Variants in SLC33A1 observed in about 807,000 individuals in gnomAD.
The protein encoded by SLC33A1 is solute carrier family 33 member 1.
In SLC33A1, 20 loss-of-function variants were observed where a neutral mutation model predicts 50.0. The observed-to-expected ratio is 0.40, with a 90% CI of 0.28 to 0.58. The LOEUF (loss-of-function observed/expected upper bound fraction) is 0.58, where lower values mean the gene tolerates loss of function less well. Among genes scored for constraint, SLC33A1 ranks in the 20% least tolerant of loss-of-function variants. SLC33A1 has a pLI of 0.44. For synonymous variants in SLC33A1, 265 were observed against 251.8 expected (o/e 1.05, Z -0.50); for missense variants, 476 against 657.0 (o/e 0.72, Z 3.01).
In SLC33A1 at chr3:155,827,896, A is replaced by G. The variant is rs116295204; in HGVS notation, c.*314T>C. ...AACAATACCTGACTACATGGTTACC[A>G]CCCGTGACTACTGCATTGCAGCTTA... On this transcript the variant is annotated 3_prime_UTR_variant, in exon 6 of 6. Transcript: ENST00000643144. The G allele has an allele frequency of 2.0e-3, 570 of 282,766 alleles. 3 individuals are homozygous for G. Among genetic ancestry groups the G allele is most frequent in the African/African-American group, 0.012 (534 of 44,934 alleles). The allele number at this position is 282,766 out of a possible 1,614,324, so 17.5% of individuals were successfully genotyped here. A position where few individuals can be genotyped will look rare whatever the true frequency, so the allele number is the denominator to read the frequency against.
chr3:155,841,636 A>G (rs1412271639), intron 2 of SLC33A1, among the ~76,000 whole-genome samples: 1 of 152,184 alleles, frequency 6.6e-6, no homozygotes, highest in Admixed American at 6.5e-5. Context: ...AAAAGTCACC[A>G]GTAATCCCCG....
At chr3:155,836,033 C>T (rs1384208324) in intron 2 of SLC33A1, among the ~76,000 whole-genome samples, 4 of 150,830 alleles carry the variant, frequency 2.7e-5, no homozygotes, top group Non-Finnish European at 5.9e-5. Flanking sequence ...GCCTGTAATT[C>T]CAGCACTTTG....
chr3:155,830,534 C>G (rs1752386798), intron 4 of SLC33A1, among the ~76,000 whole-genome samples: 1 of 151,946 alleles, frequency 6.6e-6, no homozygotes, highest in African/African-American at 2.4e-5. Flanking sequence ...GAAGTGCACA[C>G]ATTGTGTTAC....
chr3:155,826,462 A>G lies in SLC33A1; in HGVS notation c.*1748T>C, dbSNP rs1752201816. The G allele has an allele frequency of 6.6e-6, 1 of 152,166 alleles. No individual in the cohort carries two copies. Among genetic ancestry groups the G allele is most frequent in the South Asian group, 2.1e-4 (1 of 4,832 alleles). The allele number at this position is 152,166 out of a possible 1,614,324, so 9.4% of individuals were successfully genotyped here. ...TATACACGGGAAGAAATAAAAGGTT[A>G]TTATGGCAATCTGAGTTTCTTAATC... On this transcript the variant is annotated 3_prime_UTR_variant, in exon 6 of 6. Coordinates refer to ENST00000643144, the MANE Select transcript of SLC33A1 (RefSeq NM_004733.4).
chr3:155,833,233 A>G (rs1752517511), intron 4 of SLC33A1, among the ~76,000 whole-genome samples: 2 of 152,188 alleles, frequency 1.3e-5, no homozygotes. Context: ...TGGGTGACAG[A>G]GCAAGACTTC....
In SLC33A1 at chr3:155,853,821, G is replaced by T. The variant is rs139129650; in HGVS notation, c.177C>A (p.Gly59=). The change falls in exon 1 of 6, where the codon GGC becomes GGA. Residue 59 remains glycine (G), a synonymous_variant. Coordinates refer to ENST00000643144, the MANE Select transcript of SLC33A1 (RefSeq NM_004733.4). ...REALLGDTGT[G]DFLKAPQSFR... ...AGCTCTGTGGGGCTTTTAAGAAGTC[G>T]CCAGTGCCGGTATCCCCCAGAAGAG... 1 of 1,610,200 alleles carries T rather than the reference G, an allele frequency of 6.2e-7. No homozygotes were observed. Among genetic ancestry groups the T allele is most frequent in the Non-Finnish European group, 8.5e-7 (1 of 1,177,608 alleles).
At chr3:155,852,107 T>C (rs1753420549) in intron 1 of SLC33A1, among the ~76,000 whole-genome samples, 1 of 152,160 alleles carries the variant, frequency 6.6e-6, no homozygotes. Context: ...TTCCTGATAT[T>C]GGTCATTTTA....
In SLC33A1 at chr3:155,853,475, C is replaced by T; in HGVS notation, c.523G>A (p.Asp175Asn). The T allele has an allele frequency of 6.2e-7, 1 of 1,614,056 alleles. No individual in the cohort carries two copies. The highest frequency in any genetic ancestry group is 8.5e-7 in the Non-Finnish European group (1 of 1,180,014). The change falls in exon 1 of 6, where the codon GAC becomes AAC. Residue 175 changes from aspartate to asparagine, a missense_variant. Transcript: ENST00000643144. ...AACGCCACAGTGAGAGCAATCACGT[C>T]GGGTGTTCTGTCATCGGTATTCCCA... Reference protein sequence around the residue: ...LLGNTDDRTPDVIALTVAFFL... With the variant: ...LLGNTDDRTPNVIALTVAFFL...
chr3:155,846,157 CT>C (rs1345775117), intron 1 of SLC33A1, among the ~76,000 whole-genome samples: 1 of 152,172 alleles, frequency 6.6e-6, no homozygotes, highest in African/African-American at 2.4e-5. Flanking sequence ...ATTATAAGAT[CT>C]GGGAAAAAAC....
At chr3:155,852,929 CT>C (rs1246386313) in intron 1 of SLC33A1, among the ~76,000 whole-genome samples, 1 of 152,164 alleles carries the variant, frequency 6.6e-6, no homozygotes, top group Non-Finnish European at 1.5e-5. Flanking sequence ...ATGAGCCACA[CT>C]TTTTAAAAGT....
At chr3:155,844,435 A>AGG in intron 1 of SLC33A1, among the ~76,000 whole-genome samples, 1 of 9,890 alleles carries the variant, frequency 1.0e-4, no homozygotes, top group South Asian at 4.4e-3. Flanking sequence ...GTATATATAT[A>AGG]TATATATATA....
intron 1 of SLC33A1, among the ~76,000 whole-genome samples, chr3:155,847,879 C>A (rs953655596): frequency 9.2e-5 from 14 of 152,188 alleles, no homozygotes; most frequent in Non-Finnish European, 1.9e-4. Context: ...CACTTTCTCT[C>A]ATTTATTCCT....
chr3:155,836,403 A>C (rs1172918321), intron 2 of SLC33A1, among the ~76,000 whole-genome samples: 2 of 151,602 alleles, frequency 1.3e-5, no homozygotes, highest in Non-Finnish European at 2.9e-5. Flanking sequence ...TTCACCATAA[A>C]AAAAATTAAA....
intron 2 of SLC33A1, among the ~76,000 whole-genome samples, chr3:155,834,504 G>T (rs1056581157): frequency 2.0e-5 from 3 of 152,040 alleles, no homozygotes; most frequent in Admixed American, 6.6e-5. Flanking sequence ...TTCATCTAAT[G>T]TTTCAAAAGT....
intron 1 of SLC33A1, among the ~76,000 whole-genome samples, chr3:155,847,861 C>G (rs548990634): frequency 7.2e-5 from 11 of 152,230 alleles, no homozygotes; most frequent in African/African-American, 9.6e-5. Context: ...TCAACTTTTT[C>G]AAAGCAACAC....
At chr3:155,843,366 C>G (rs1330172898) in intron 1 of SLC33A1, among the ~76,000 whole-genome samples, 2 of 152,096 alleles carry the variant, frequency 1.3e-5, no homozygotes, top group African/African-American at 4.8e-5. Context: ...TATTTTTAAA[C>G]TTTCTAATGC....
chr3:155,845,351 G>A (rs900666250), intron 1 of SLC33A1, among the ~76,000 whole-genome samples: 1 of 151,932 alleles, frequency 6.6e-6, no homozygotes, highest in Non-Finnish European at 1.5e-5. Context: ...TTTTGAGACA[G>A]GGTCTCACTC....
chr3:155,852,295 C>T (rs961741907), intron 1 of SLC33A1, among the ~76,000 whole-genome samples: 1 of 151,712 alleles, frequency 6.6e-6, no homozygotes, highest in Non-Finnish European at 1.5e-5. Flanking sequence ...GCCCCCCCGA[C>T]CCCCAACTAT....
chr3:155,829,753 G>A lies in SLC33A1; in HGVS notation c.1417C>T (p.Pro473Ser), dbSNP rs1752335200. ...CCTACACACTCTTTTACTGTGAGGG[G>A]ATCTACAAGCCAAAGAGCTACTGTA... is the stretch of plus-strand genomic sequence containing the variant. Reference protein sequence around the residue: ...PSTVALWLVDPLTVKECVGAS... With the variant: ...PSTVALWLVDSLTVKECVGAS... The change falls in exon 5 of 6, where the codon CCC becomes TCC. Residue 473 changes from proline to serine, a missense_variant. Pro to Ser is a moderately conservative substitution (Grantham distance 74). Coordinates refer to ENST00000643144, the MANE Select transcript of SLC33A1 (RefSeq NM_004733.4). 6.2e-7 allele frequency: 1 copy of A among 1,614,002 alleles called. No individual in the cohort carries two copies. Among genetic ancestry groups the A allele is most frequent in the Non-Finnish European group, 8.5e-7 (1 of 1,179,940 alleles).
Sources: allele counts gnomAD v4.1 joint callset (sites outside exome capture counted in the v4.1 genomes callset), GRCh38; gene constraint gnomAD v4.1.1; transcripts MANE v1.5; gene names NCBI Gene and HGNC (gene_info 2026-07-23, HGNC 2026-07-21).